The following MACROD2 variants were observed in gnomAD, a reference collection of about 807,000 sequenced individuals.
MACROD2 encodes mono-ADP ribosylhydrolase 2.
MACROD2 carries 36 observed loss-of-function variants against 70.4 expected under a neutral mutation model. That is an observed-to-expected ratio of 0.51 (90% CI 0.39 to 0.68). The LOEUF is 0.68. MACROD2 is among the 30% of genes least tolerant of loss of function. The probability of loss-of-function intolerance (pLI) is 0.00; values close to 1 mark genes in which losing one functional copy is unlikely to be tolerated. For synonymous variants in MACROD2, 172 were observed against 178.8 expected, an observed-to-expected ratio of 0.96 and a Z score of 0.30; for missense variants, 496 against 538.4, an observed-to-expected ratio of 0.92 and a Z score of 0.78.
At chr20:14,832,017 A>G (rs2072974296) in intron 5 of MACROD2, among the ~76,000 whole-genome samples, 1 of 133,060 alleles carries the variant, frequency 7.5e-6, no homozygotes, top group Admixed American at 7.6e-5. Flanking sequence ...CCGCACCTCG[A>G]CTTCATGCCT....
Position 14,116,407 on chromosome 20 carries a change from A to G in MACROD2, c.271+30679A>G, listed in dbSNP as rs73273443. Among the ~76,000 whole-genome samples, 272 of 152,342 alleles carry G rather than the reference A, an allele frequency of 1.8e-3. 1 individual carries two copies. The highest frequency in any genetic ancestry group is 6.2e-3 in the African/African-American group (257 of 41,580). On this transcript the variant is annotated intron_variant, in intron 3 of 17. Coordinates refer to ENST00000684519, the MANE Select transcript of MACROD2 (RefSeq NM_001351661.2). The stretch of plus-strand genomic sequence containing the variant: ...TTAGTACTCAAAAAGTGTTTGCGGA[A>G]TTAATGAATGGTTGAGTAAGTTGCT...
At chr20:14,525,473 A>G (rs2085220666) in intron 4 of MACROD2, among the ~76,000 whole-genome samples, 1 of 152,246 alleles carries the variant, frequency 6.6e-6, no homozygotes, top group South Asian at 2.1e-4. Context: ...TTATTTCCAT[A>G]TTACAGATGA....
At chr20:15,202,008 G>A (rs1244413747) in intron 5 of MACROD2, among the ~76,000 whole-genome samples, 2 of 152,146 alleles carry the variant, frequency 1.3e-5, no homozygotes, top group African/African-American at 2.4e-5. Flanking sequence ...ATCTAGGGCA[G>A]TATTATTTTG....
At chr20:14,520,369 A>G (rs1026186109) in intron 4 of MACROD2, among the ~76,000 whole-genome samples, 1 of 152,086 alleles carries the variant, frequency 6.6e-6, no homozygotes, top group Non-Finnish European at 1.5e-5. Context: ...ACCATGATTC[A>G]TTATGCCTGA....
At chr20:15,958,739 G>A (rs190126011) in intron 12 of MACROD2, among the ~76,000 whole-genome samples, 2 of 152,258 alleles carry the variant, frequency 1.3e-5, no homozygotes. Context: ...ATGGTATTTG[G>A]GGATAGGACC....
At chr20:15,705,378 A>G (rs8118901) in intron 8 of MACROD2, among the ~76,000 whole-genome samples, 2,294 of 152,218 alleles carry the variant, frequency 0.015, 61 homozygotes, top group African/African-American at 0.049. Flanking sequence ...TCATCCTACT[A>G]TATTTTAAGA....
intron 3 of MACROD2, among the ~76,000 whole-genome samples, chr20:14,333,744 G>A (rs1456908354): frequency 6.6e-6 from 1 of 152,150 alleles, no homozygotes; most frequent in Non-Finnish European, 1.5e-5. Context: ...GCACTATACT[G>A]GTCGGTGAGA....
In MACROD2 at chr20:14,648,704, A is replaced by G. The variant is rs190050009; in HGVS notation, c.302-36139A>G. On this transcript the variant is annotated intron_variant, in intron 4 of 17. Coordinates refer to ENST00000684519, the MANE Select transcript of MACROD2 (RefSeq NM_001351661.2). ...TTTTTTATAAAAATGGAGTCATACT[A>G]TACACACTACTCTGCAACTTATTTA... is the stretch of plus-strand genomic sequence containing the variant. Among the ~76,000 whole-genome samples the G allele has an allele frequency of 2.6e-5, 4 of 152,152 alleles. No individual in the cohort carries two copies. In the East Asian group the frequency reaches 7.7e-4, roughly 29 times the overall value.
At chr20:15,844,184 A>G (rs1043880908) in intron 8 of MACROD2, among the ~76,000 whole-genome samples, 2 of 152,218 alleles carry the variant, frequency 1.3e-5, no homozygotes, top group African/African-American at 4.8e-5. Flanking sequence ...CAATGAATCA[A>G]CTGACTAGGA....
chr20:14,905,421 T>C (rs538877932), intron 5 of MACROD2: 2 of 151,994 alleles, frequency 1.3e-5, no homozygotes, highest in East Asian at 1.9e-4. Context: ...TACTAAAGAG[T>C]TGGACTTCAT....
At chr20:14,034,216 C>T (rs1023690069) in intron 2 of MACROD2, among the ~76,000 whole-genome samples, 3 of 152,144 alleles carry the variant, frequency 2.0e-5, no homozygotes, top group African/African-American at 4.8e-5. Context: ...CCTTGTGATC[C>T]GCCCGCCTCA....
intron 8 of MACROD2, among the ~76,000 whole-genome samples, chr20:15,589,531 A>G (rs969666492): frequency 2.6e-5 from 4 of 152,186 alleles, no homozygotes; most frequent in African/African-American, 9.7e-5. Flanking sequence ...TTGACATGTC[A>G]TTATCACCCA....
Position 14,638,888 on chromosome 20 carries a change from T to G in MACROD2, c.302-45955T>G, listed in dbSNP as rs141962332. On this transcript the variant is annotated intron_variant, in intron 4 of 17. Coordinates refer to ENST00000684519, the MANE Select transcript of MACROD2 (RefSeq NM_001351661.2). ...TCACTTGAACCCAAGAGGTGGAGGT[T>G]GCAGTGAGCCAAGATCGTGCCACAG... Among the ~76,000 whole-genome samples, 142 of 149,908 alleles carry G rather than the reference T, an allele frequency of 9.5e-4. 4 individuals carry two copies. In the East Asian group the frequency reaches 0.021, roughly 22 times the overall value.
At chr20:14,680,047 A>T (rs1444636903) in intron 4 of MACROD2, among the ~76,000 whole-genome samples, 3 of 152,222 alleles carry the variant, frequency 2.0e-5, no homozygotes, top group Non-Finnish European at 2.9e-5. Flanking sequence ...TACTTAACTC[A>T]TATGGTAAGT....
At chr20:14,313,284 A>C (rs2082582524) in intron 3 of MACROD2, among the ~76,000 whole-genome samples, 1 of 152,208 alleles carries the variant, frequency 6.6e-6, no homozygotes, top group Non-Finnish European at 1.5e-5. Flanking sequence ...TTTGGTAAGC[A>C]GTTGCACTTA....
At chr20:14,495,019 C>T (rs1294621474) in intron 4 of MACROD2, among the ~76,000 whole-genome samples, 1 of 152,092 alleles carries the variant, frequency 6.6e-6, no homozygotes, top group African/African-American at 2.4e-5. Context: ...CATTCATCAA[C>T]TTAAAACAAC....
At chr20:15,068,318 A>G (rs916267783) in intron 5 of MACROD2, among the ~76,000 whole-genome samples, 1 of 152,202 alleles carries the variant, frequency 6.6e-6, no homozygotes, top group Non-Finnish European at 1.5e-5. Context: ...TACATTGTAT[A>G]TAGTTTAAAA....
intron 5 of MACROD2, among the ~76,000 whole-genome samples, chr20:14,903,929 C>G (rs1033938321): frequency 1.3e-5 from 2 of 152,272 alleles, no homozygotes; most frequent in South Asian, 2.1e-4. Context: ...TTCACATTCT[C>G]TCGCTGAGAA....
In MACROD2 at chr20:14,326,648, G is replaced by GTTTA. The variant is rs1207400958; in HGVS notation, c.272-166830_272-166829insTTAT. 6.2e-7 allele frequency: 1 copy of GTTTA among 1,613,636 alleles called. No homozygotes were observed. The highest frequency in any genetic ancestry group is 8.5e-7 in the Non-Finnish European group (1 of 1,179,818). On this transcript the variant is annotated intron_variant, in intron 3 of 17. Transcript: ENST00000684519. The surrounding 1 kb of genome is among the most constrained non-coding windows in gnomAD (Gnocchi z 5.5). ...TCCAAATCATCAAAGATACCCTGAGGTAAATTACTTAGGTTATTATTGGAC... is the reference window on the plus strand; with the variant it reads ...TCCAAATCATCAAAGATACCCTGAGGTTTATAAATTACTTAGGTTATTATTGGAC...
Sources: allele counts gnomAD v4.1 joint callset (sites outside exome capture counted in the v4.1 genomes callset), GRCh38; gene constraint gnomAD v4.1.1; non-coding constraint Gnocchi (gnomAD v3.1); transcripts MANE v1.5; gene names NCBI Gene and HGNC (gene_info 2026-07-23, HGNC 2026-07-21).